The following PHF3 variants were observed in gnomAD, a reference collection of about 807,000 sequenced individuals.
The protein encoded by PHF3 is PHD finger protein 3.
Under a neutral mutation model 178.4 loss-of-function variants are expected in PHF3, and 41 were observed. The ratio of observed to expected loss-of-function variants is 0.23; its 90% confidence interval spans 0.18 to 0.30. PHF3 has a LOEUF of 0.30. PHF3 is among the 10% of genes least tolerant of loss of function. PHF3 has a pLI of 1.00. For synonymous variants in PHF3, 842 were observed against 800.5 expected, an observed-to-expected ratio of 1.05 and a Z score of -0.88; for missense variants, 2,346 against 2,398.1, an observed-to-expected ratio of 0.98 and a Z score of 0.45.
Position 63,718,204 on chromosome 6 carries a change from C to T in PHF3, c.*4496C>T, listed in dbSNP as rs1216436394. Among the ~76,000 whole-genome samples the T allele has an allele frequency of 6.6e-6, 1 of 151,914 alleles. No homozygotes were observed. The highest frequency in any genetic ancestry group is 1.5e-5 in the Non-Finnish European group (1 of 67,928). On this transcript the variant is annotated 3_prime_UTR_variant, in exon 16 of 16. Transcript: ENST00000262043. The stretch of plus-strand genomic sequence containing the variant: ...CCTATTCTGCAAGCACAATTTTCTG[C>T]GTTTGGAATTCAATGATGAGCAAAA...
intron 4 of PHF3, among the ~76,000 whole-genome samples, chr6:63,690,548 T>G (rs1034227628): frequency 1.3e-5 from 2 of 152,172 alleles, no homozygotes; most frequent in Non-Finnish European, 2.9e-5. Context: ...TATCACCCAG[T>G]GTGTTACCTT....
intron 2 of PHF3, among the ~76,000 whole-genome samples, chr6:63,660,044 G>T (rs911794277): frequency 1.3e-5 from 2 of 152,096 alleles, no homozygotes; most frequent in Non-Finnish European, 2.9e-5. Context: ...GTTTTTGTGT[G>T]TGTGTGTGTT....
chr6:63,713,486 C>T lies in PHF3; in HGVS notation c.5898C>T (p.His1966=), dbSNP rs758855955. ...ACAGAAAAAGCAGGGAGGAAGGGCA[C>T]AAAGATAAAGAGAGGGCACGGTTAT... The part of the protein sequence containing the change: ...DRDRKSREEG[H]KDKERARLSH... Residue 1966 remains histidine, a synonymous_variant, in exon 16 of 16, where the codon CAC becomes CAT. Coordinates refer to ENST00000262043, the MANE Select transcript of PHF3 (RefSeq NM_001370348.2). 1 of 1,613,228 alleles carries T rather than the reference C, an allele frequency of 6.2e-7. No individual in the cohort carries two copies. The highest frequency in any genetic ancestry group is 8.5e-7 in the Non-Finnish European group (1 of 1,179,792).
Position 63,700,449 on chromosome 6 carries a change from C to A in PHF3, c.3082C>A (p.Arg1028=), listed in dbSNP as rs1767423111. The change falls in exon 9 of 16, where the codon CGA becomes AGA. Residue 1028 remains arginine (R), a synonymous_variant. Transcript: ENST00000262043. ...TTCTAAAGAGTTAGCTGCTTGGAGA[C>A]GAAGAGAAAACAGACATGTAAGATT... is the stretch of plus-strand genomic sequence containing the variant. ...LASKELAAWR[R]RENRHTIEMI... is the part of the protein sequence containing the mutation. 3 of 1,569,986 alleles carry A rather than the reference C, an allele frequency of 1.9e-6. No homozygotes were observed. Among genetic ancestry groups the A allele is most frequent in the African/African-American group, 1.4e-5 (1 of 73,894 alleles).
At chr6:63,700,584 A>G (rs1425589872) in intron 9 of PHF3, 118 bp downstream of exon 9, 8 of 575,976 alleles carry the variant, frequency 1.4e-5, no homozygotes, top group East Asian at 8.8e-5. Flanking sequence ...ACTTTCTGTT[A>G]CATGCTTCTT....
chr6:63,666,940 C>G (rs773220958), intron 2 of PHF3, among the ~76,000 whole-genome samples: 26 of 152,144 alleles, frequency 1.7e-4, no homozygotes, highest in Non-Finnish European at 3.1e-4. Flanking sequence ...TTAGTAGAGA[C>G]AGCATTTCAC....
At chr6:63,690,282 A>T (rs1470157236) in intron 4 of PHF3, among the ~76,000 whole-genome samples, 1 of 152,148 alleles carries the variant, frequency 6.6e-6, no homozygotes. Context: ...TGAGGACTTA[A>T]CCTGCTAAAG....
intron 8 of PHF3, 35 bp downstream of exon 8, chr6:63,698,640 ACTTTCCT>A (rs1561975854): frequency 6.9e-7 from 1 of 1,455,392 alleles, no homozygotes. Flanking sequence ...TATGCTTCCA[ACTTTCCT>A]GAGTACATAG....
chr6:63,702,718 TAGAGA>T, intron 10 of PHF3, 79 bp downstream of exon 10: 1 of 1,402,554 alleles, frequency 7.1e-7, no homozygotes, highest in Non-Finnish European at 9.7e-7. Context: ...GTTTTTAAAG[TAGAGA>T]AAAGAATTTT....
At position 63,658,592 on chromosome 6, in the gene PHF3, T is replaced by G. The variant is rs867343084; in HGVS notation, c.244+11797T>G. Among the ~76,000 whole-genome samples, 5 of 152,318 alleles carry G rather than the reference T, an allele frequency of 3.3e-5. No individual in the cohort carries two copies. In the South Asian group the frequency reaches 8.3e-4, roughly 25 times the overall value. On this transcript the variant is annotated intron_variant, in intron 2 of 15. Coordinates refer to ENST00000262043, the MANE Select transcript of PHF3 (RefSeq NM_001370348.2). ...CTTTTATGGTGTGTTTGCATTACTT[T>G]CCTTGCTTTCAGATTTTTTCATCTG... is the stretch of plus-strand genomic sequence containing the variant.
Position 63,636,022 on chromosome 6 carries a change from G to C in PHF3, c.-154G>C, listed in dbSNP as rs767783388. On this transcript the variant is annotated 5_prime_UTR_variant, in exon 1 of 16. Coordinates refer to ENST00000262043, the MANE Select transcript of PHF3 (RefSeq NM_001370348.2). ...CAGGAGGAAAAGAGGCTGTGGCAGC[G>C]ACGCCGACGTCCTGCGCGTACCCCC... is the stretch of plus-strand genomic sequence containing the variant. The C allele has an allele frequency of 2.5e-6, 1 of 396,954 alleles. No homozygotes were observed. Among genetic ancestry groups the C allele is most frequent in the Non-Finnish European group, 4.4e-6 (1 of 225,022 alleles). 24.6% of individuals were successfully genotyped at this position (396,954 alleles called of 1,614,324 possible).
At chr6:63,667,703 C>CTCAG (rs1462965908) in intron 2 of PHF3, among the ~76,000 whole-genome samples, 1 of 152,208 alleles carries the variant, frequency 6.6e-6, no homozygotes, top group Non-Finnish European at 1.5e-5. Context: ...TCCGAAGTCT[C>CTCAG]TGCACTCCTT....
At chr6:63,692,434 A>G (rs939063447) in intron 5 of PHF3, among the ~76,000 whole-genome samples, 5 of 152,214 alleles carry the variant, frequency 3.3e-5, no homozygotes, top group Non-Finnish European at 5.9e-5. Context: ...TTTTTTGACT[A>G]CCTTCTGAAA....
intron 2 of PHF3, among the ~76,000 whole-genome samples, chr6:63,675,042 T>C (rs1766106788): frequency 6.6e-6 from 1 of 152,178 alleles, no homozygotes; most frequent in Admixed American, 6.5e-5. Flanking sequence ...AATTACATAG[T>C]CTGGAGTTAA....
chr6:63,653,451 C>T (rs138739353), intron 2 of PHF3, among the ~76,000 whole-genome samples: 1,780 of 151,900 alleles, frequency 0.012, 29 homozygotes, highest in African/African-American at 0.041. Flanking sequence ...CTACATTTTT[C>T]GGTGAGTAGG....
chr6:63,644,192 C>CT (rs1414431390), intron 1 of PHF3, among the ~76,000 whole-genome samples: 1 of 152,058 alleles, frequency 6.6e-6, no homozygotes. Flanking sequence ...CTGAAACTGC[C>CT]TTTTTTCTTT....
At position 63,713,893 on chromosome 6, in the gene PHF3, C is replaced by T; in HGVS notation, c.*185C>T. ...GTACCAGTGCTCATCATCCCTTCTT[C>T]ATACCAACGGTCCCTAGTTATAGGA... On this transcript the variant is annotated 3_prime_UTR_variant, in exon 16 of 16. Transcript: ENST00000262043. 6.8e-6 allele frequency: 3 copies of T among 442,852 alleles called. No individual in the cohort carries two copies. Among genetic ancestry groups the T allele is most frequent in the East Asian group, 6.9e-5 (2 of 28,982 alleles). The allele number at this position is 442,852 out of a possible 1,614,324, so 27.4% of individuals were successfully genotyped here. A position where few individuals can be genotyped will look rare whatever the true frequency, so the allele number is the denominator to read the frequency against.
Position 63,721,629 on chromosome 6 carries a change from C to T in PHF3, c.*7921C>T. 1.3e-6 allele frequency: 2 copies of T among 1,551,066 alleles called. No homozygotes were observed. Among genetic ancestry groups the T allele is most frequent in the Non-Finnish European group, 1.7e-6 (2 of 1,146,472 alleles). On this transcript the variant is annotated 3_prime_UTR_variant, in exon 16 of 16. Coordinates refer to ENST00000262043, the MANE Select transcript of PHF3 (RefSeq NM_001370348.2). ...GGAGGCCTTTTCTGTTACATTTATC[C>T]CATCTAGATCCAGGTAGCCTTCTGC...
chr6:63,687,291 G>T (rs982890084), intron 4 of PHF3, among the ~76,000 whole-genome samples: 14 of 152,278 alleles, frequency 9.2e-5, no homozygotes, highest in African/African-American at 2.9e-4. Flanking sequence ...GGGTGTGCTG[G>T]TGCATGCATA....
Sources: gnomAD v4.1 joint callset for allele counts (sites outside exome capture counted in the v4.1 genomes callset) on GRCh38, gnomAD v4.1.1 for gene constraint, MANE v1.5 for transcripts, NCBI Gene and HGNC (gene_info 2026-07-23, HGNC 2026-07-21) for gene names.